CAMK2D: variants seen among roughly 807,000 people sequenced by gnomAD.
CAMK2D encodes calcium/calmodulin-dependent protein kinase type II subunit delta.
CAMK2D carries 37 observed loss-of-function variants against 84.0 expected under a neutral mutation model. That is an observed-to-expected ratio of 0.44 (90% CI 0.34 to 0.58). The LOEUF (loss-of-function observed/expected upper bound fraction) is 0.58, where lower values mean the gene tolerates loss of function less well. CAMK2D is among the 20% of genes least tolerant of loss of function. The pLI, the probability that CAMK2D is intolerant of heterozygous loss-of-function variation, is 0.02. For missense variants in CAMK2D, 448 were observed against 652.5 expected, an observed-to-expected ratio of 0.69 and a Z score of 3.41; for synonymous variants, 202 against 212.5, an observed-to-expected ratio of 0.95 and a Z score of 0.43.
intron 2 of CAMK2D, among the ~76,000 whole-genome samples, chr4:113,678,283 C>T (rs1426685324): frequency 6.6e-6 from 1 of 152,026 alleles, no homozygotes; most frequent in African/African-American, 2.4e-5. Flanking sequence ...CTGGTGAGAC[C>T]CTGGGCAATG....
At chr4:113,461,456 G>A (rs1036469214) in intron 17 of CAMK2D, among the ~76,000 whole-genome samples, 4 of 152,292 alleles carry the variant, frequency 2.6e-5, no homozygotes, top group Middle Eastern at 3.4e-3. Context: ...GGCAGGGGGA[G>A]GACAGCAAGT....
chr4:113,563,912 G>C (rs908705664), intron 4 of CAMK2D, among the ~76,000 whole-genome samples: 3 of 152,136 alleles, frequency 2.0e-5, no homozygotes, highest in Admixed American at 2.0e-4. Context: ...TCAGAAAAGG[G>C]GAAGAGGGAA....
chr4:113,467,512 A>G (rs1176320937), intron 16 of CAMK2D, among the ~76,000 whole-genome samples: 1 of 152,224 alleles, frequency 6.6e-6, no homozygotes, highest in East Asian at 1.9e-4. Context: ...ATGGTTGCTA[A>G]CAATGTCAAG....
chr4:113,690,046 A>AT (rs1380978604), intron 2 of CAMK2D, among the ~76,000 whole-genome samples: 3 of 152,330 alleles, frequency 2.0e-5, no homozygotes, highest in Admixed American at 2.0e-4. Flanking sequence ...AATAGGTGAC[A>AT]TAAGAGAACC....
chr4:113,625,720 A>G (rs1036330600), intron 3 of CAMK2D, among the ~76,000 whole-genome samples: 2 of 152,102 alleles, frequency 1.3e-5, no homozygotes, highest in Admixed American at 1.3e-4. Context: ...TGCCATTATT[A>G]AAGGCTTTGG....
chr4:113,516,153 G>A (rs1264998049), intron 9 of CAMK2D, among the ~76,000 whole-genome samples: 1 of 152,064 alleles, frequency 6.6e-6, no homozygotes, highest in Non-Finnish European at 1.5e-5. Flanking sequence ...TTAAAATGGG[G>A]AACTTGTGAC....
At chr4:113,474,916 GGATTACAGGCGT>G (rs1267027855) in intron 16 of CAMK2D, among the ~76,000 whole-genome samples, 1 of 152,122 alleles carries the variant, frequency 6.6e-6, no homozygotes, top group African/African-American at 2.4e-5. Context: ...CAAAGTGCTG[GGATTACAGGCGT>G]GAGCCACCGT....
At chr4:113,612,998 TAAAGAA>T (rs1478876696) in intron 3 of CAMK2D, among the ~76,000 whole-genome samples, 62 of 152,248 alleles carry the variant, frequency 4.1e-4, no homozygotes, top group Non-Finnish European at 6.9e-4. Flanking sequence ...ATTAGCTCCA[TAAAGAA>T]GGGGTCAAAT....
intron 4 of CAMK2D, among the ~76,000 whole-genome samples, chr4:113,601,890 T>C (rs2098954798): frequency 6.6e-6 from 1 of 151,522 alleles, no homozygotes; most frequent in Non-Finnish European, 1.5e-5. Flanking sequence ...AGACAAAGAG[T>C]CTTGCTATGT....
At chr4:113,538,383 G>T (rs2098507758) in intron 6 of CAMK2D, among the ~76,000 whole-genome samples, 1 of 152,024 alleles carries the variant, frequency 6.6e-6, no homozygotes, top group Non-Finnish European at 1.5e-5. Context: ...AAGATGATCA[G>T]GAAAAGGAGA....
intron 16 of CAMK2D, among the ~76,000 whole-genome samples, 173 bp downstream of exon 16, chr4:113,500,288 CAT>C (rs905215222): frequency 6.6e-6 from 1 of 151,980 alleles, no homozygotes; most frequent in Non-Finnish European, 1.5e-5. Flanking sequence ...ACAAAAGTAA[CAT>C]ATTGTTGAAA....
intron 4 of CAMK2D, among the ~76,000 whole-genome samples, chr4:113,599,234 T>C (rs1424873867): frequency 3.9e-5 from 6 of 152,204 alleles, no homozygotes; most frequent in Non-Finnish European, 7.3e-5. Context: ...CATTCATTGC[T>C]GGTGTGAATG....
chr4:113,541,045 G>A (rs962937637), intron 6 of CAMK2D, among the ~76,000 whole-genome samples: 12 of 152,130 alleles, frequency 7.9e-5, no homozygotes, highest in Non-Finnish European at 1.8e-4. Flanking sequence ...CTGTTTCCAA[G>A]TTTTGTTCTG....
intron 3 of CAMK2D, among the ~76,000 whole-genome samples, chr4:113,627,697 A>G (rs2099073562): frequency 6.6e-6 from 1 of 152,200 alleles, no homozygotes; most frequent in Non-Finnish European, 1.5e-5. Context: ...AAAATTAGCA[A>G]GGAAAAGCAC....
At chr4:113,636,672 T>A (rs544945458) in intron 3 of CAMK2D, among the ~76,000 whole-genome samples, 2 of 152,314 alleles carry the variant, frequency 1.3e-5, no homozygotes, top group East Asian at 3.9e-4. Flanking sequence ...CTTGTCACTG[T>A]GAACTCAAAT....
chr4:113,713,695 A>T (rs59081713), intron 2 of CAMK2D, among the ~76,000 whole-genome samples: 10,032 of 151,320 alleles, frequency 0.066, 1,130 homozygotes, highest in African/African-American at 0.23. Context: ...ATCAATTCTT[A>T]TGTGATAGTT....
intron 2 of CAMK2D, among the ~76,000 whole-genome samples, chr4:113,746,950 C>CAAAAA (rs202063823): frequency 8.0e-6 from 1 of 125,742 alleles, no homozygotes. Context: ...CTACATCAAC[C>CAAAAA]AAAAAAAAAA....
chr4:113,647,843 A>C (rs368616315), intron 3 of CAMK2D, among the ~76,000 whole-genome samples: 1 of 152,262 alleles, frequency 6.6e-6, no homozygotes, highest in East Asian at 1.9e-4. Flanking sequence ...GATTTATATA[A>C]GAAATATCAA....
At chr4:113,516,143 T>C (rs2098280755) in intron 9 of CAMK2D, among the ~76,000 whole-genome samples, 1 of 152,174 alleles carries the variant, frequency 6.6e-6, no homozygotes, top group Non-Finnish European at 1.5e-5. Context: ...TTTAGTAGTT[T>C]TAAAATGGGG....
Sources: gnomAD v4.1 joint callset for allele counts (sites outside exome capture counted in the v4.1 genomes callset) on GRCh38, gnomAD v4.1.1 for gene constraint, MANE v1.5 for transcripts, NCBI Gene and HGNC (gene_info 2026-07-23, HGNC 2026-07-21) for gene names.